The following NCAPG2 variants were observed in gnomAD, a reference collection of about 807,000 sequenced individuals.
NCAPG2 encodes non-SMC condensin II complex subunit G2.
In NCAPG2, 53 loss-of-function variants were observed where a neutral mutation model predicts 141.1. The observed-to-expected ratio is 0.38, with a 90% CI of 0.30 to 0.47. The LOEUF is 0.47. Among genes scored for constraint, NCAPG2 ranks in the 20% least tolerant of loss-of-function variants. The probability of loss-of-function intolerance (pLI) is 0.99; values close to 1 mark genes in which losing one functional copy is unlikely to be tolerated. For synonymous variants in NCAPG2, 499 were observed against 490.7 expected, an observed-to-expected ratio of 1.02 and a Z score of -0.22; for missense variants, 1,087 against 1,389.0, an observed-to-expected ratio of 0.78 and a Z score of 3.46.
rs527338651 is a variant in NCAPG2 at position 158,694,993 on chromosome 7, G to C, written c.79-1496C>G. ...AGTATCTTGATCTACCTATAGACCCGACATTCAATCATGAACAATTGAATA... is the reference window on the plus strand; with the variant it reads ...AGTATCTTGATCTACCTATAGACCCCACATTCAATCATGAACAATTGAATA... On this transcript the variant is annotated intron_variant, in intron 2 of 27. Transcript: ENST00000356309. Among the ~76,000 whole-genome samples the C allele has an allele frequency of 5.3e-5, 8 of 152,178 alleles. No individual in the cohort carries two copies. In the South Asian group the frequency reaches 1.2e-3, roughly 24 times the overall value.
chr7:158,674,547 C>A (rs1587229213), intron 12 of NCAPG2, among the ~76,000 whole-genome samples: 1 of 152,308 alleles, frequency 6.6e-6, no homozygotes, highest in East Asian at 1.9e-4. Context: ...GTCTTGGCCT[C>A]CCAAAGTGCT....
intron 27 of NCAPG2, 96 bp downstream of exon 27, chr7:158,644,193 G>C: frequency 9.8e-7 from 1 of 1,019,460 alleles, no homozygotes; most frequent in Non-Finnish European, 1.5e-6. Flanking sequence ...TAACCACCTG[G>C]GTGTAAGTAG....
chr7:158,683,918 G>C (rs1834596751), intron 8 of NCAPG2, among the ~76,000 whole-genome samples: 1 of 152,190 alleles, frequency 6.6e-6, no homozygotes, highest in Non-Finnish European at 1.5e-5. Context: ...ATGGTACTCA[G>C]AGTGCAGCAA....
intron 2 of NCAPG2, among the ~76,000 whole-genome samples, chr7:158,697,651 T>TA (rs1835540806): frequency 7.2e-6 from 1 of 138,384 alleles, no homozygotes; most frequent in Non-Finnish European, 1.6e-5. Context: ...CAAATAGGGG[T>TA]ATAAAGAGAG....
chr7:158,641,497 TG>T, intron 27 of NCAPG2: 1 of 684,778 alleles, frequency 1.5e-6, no homozygotes, highest in East Asian at 2.8e-5. Context: ...AAGGATAGAT[TG>T]AGTCCAGGAG....
intron 2 of NCAPG2, chr7:158,696,591 T>C (rs1835457261): frequency 6.6e-6 from 1 of 152,188 alleles, no homozygotes; most frequent in Admixed American, 6.5e-5. Context: ...ATAAAGAAAA[T>C]GTGGCAAGTG....
chr7:158,654,995 G>T, intron 21 of NCAPG2, 123 bp downstream of exon 21: 1 of 1,246,490 alleles, frequency 8.0e-7, no homozygotes, highest in Non-Finnish European at 1.1e-6. Flanking sequence ...TTAGATAAAT[G>T]TCCCTGTAAG....
intron 27 of NCAPG2, among the ~76,000 whole-genome samples, chr7:158,631,978 T>C (rs1829920089): frequency 6.6e-6 from 1 of 152,112 alleles, no homozygotes; most frequent in East Asian, 1.9e-4. Flanking sequence ...TGAAACGTGC[T>C]CACTGGGCAG....
chr7:158,635,507 A>G (rs576391729), intron 27 of NCAPG2, among the ~76,000 whole-genome samples: 2 of 152,154 alleles, frequency 1.3e-5, no homozygotes, highest in African/African-American at 2.4e-5. Context: ...CTTAAGAAAT[A>G]TATTATTTAT....
At chr7:158,644,191 T>C (rs1830838251) in intron 27 of NCAPG2, 98 bp downstream of exon 27, 2 of 1,002,450 alleles carry the variant, frequency 2.0e-6, no homozygotes, top group Admixed American at 1.9e-5. Flanking sequence ...CCTAACCACC[T>C]GGGTGTAAGT....
At chr7:158,647,437 G>A (rs1025106467) in intron 24 of NCAPG2, among the ~76,000 whole-genome samples, 6 of 152,212 alleles carry the variant, frequency 3.9e-5, no homozygotes, top group South Asian at 2.1e-4. Flanking sequence ...TTAGAGCCAC[G>A]AGGGCACCTG....
At chr7:158,654,384 C>G (rs534819062) in intron 22 of NCAPG2, among the ~76,000 whole-genome samples, 6 of 152,352 alleles carry the variant, frequency 3.9e-5, no homozygotes, top group South Asian at 4.1e-4. Flanking sequence ...CCCAAGGACC[C>G]TGTCACAAAC....
Position 158,664,614 on chromosome 7 carries a change from C to A in NCAPG2, c.1616G>T (p.Arg539Leu). ...GTTCATCTGCACCAGGGTGACACAG[C>A]GCTCGCACCAGACCTCCTCCGGCTG... is the stretch of plus-strand genomic sequence containing the variant. ...VNQPEEVWCE[R>L]CVTLVQMNHA... The change falls in exon 14 of 28, where the codon CGC (arginine) becomes CTC (leucine). Residue 539 changes from arginine (R) to leucine (L), a missense_variant. Physicochemically the swap from Arg to Leu is moderately radical, Grantham distance 102. Coordinates refer to ENST00000356309, the MANE Select transcript of NCAPG2 (RefSeq NM_017760.7). The A allele has an allele frequency of 6.2e-7, 1 of 1,614,088 alleles. No individual in the cohort carries two copies. The highest frequency in any genetic ancestry group is 8.5e-7 in the Non-Finnish European group (1 of 1,180,024).
intron 24 of NCAPG2, among the ~76,000 whole-genome samples, chr7:158,648,825 C>T (rs1365518076): frequency 6.7e-6 from 1 of 149,890 alleles, no homozygotes; most frequent in Non-Finnish European, 1.5e-5. Flanking sequence ...ACCACAACCA[C>T]GCCAAATGGA....
intron 11 of NCAPG2, among the ~76,000 whole-genome samples, chr7:158,676,723 T>A (rs538278988): frequency 6.6e-6 from 1 of 152,180 alleles, no homozygotes; most frequent in East Asian, 1.9e-4. Context: ...TGCATGACAT[T>A]TTCTATTAGA....
intron 12 of NCAPG2, among the ~76,000 whole-genome samples, chr7:158,674,925 C>T (rs1833962239): frequency 6.6e-6 from 1 of 152,224 alleles, no homozygotes; most frequent in Non-Finnish European, 1.5e-5. Flanking sequence ...TGGGTAGCCC[C>T]CTCCCTCTGG....
chr7:158,671,098 T>TG (rs1454991280), intron 13 of NCAPG2, among the ~76,000 whole-genome samples: 1 of 25,738 alleles, frequency 3.9e-5, no homozygotes, highest in Admixed American at 5.7e-4. Context: ...GGGGTGGGGG[T>TG]GGGGGGTGGC....
chr7:158,692,376 T>C (rs906200398), intron 4 of NCAPG2, among the ~76,000 whole-genome samples: 7 of 152,244 alleles, frequency 4.6e-5, no homozygotes, highest in Non-Finnish European at 8.8e-5. Context: ...GCTCCTATTC[T>C]AGCTGAAGAA....
chr7:158,659,020 A>G (rs1228813318), intron 16 of NCAPG2, among the ~76,000 whole-genome samples: 1 of 88,464 alleles, frequency 1.1e-5, no homozygotes, highest in Non-Finnish European at 2.1e-5. Flanking sequence ...ACAGGGCATT[A>G]TATTTAAAAA....
Sources: allele counts gnomAD v4.1 joint callset (sites outside exome capture counted in the v4.1 genomes callset), GRCh38; gene constraint gnomAD v4.1.1; transcripts MANE v1.5; gene names NCBI Gene and HGNC (gene_info 2026-07-23, HGNC 2026-07-21).